CSAD: variants seen among roughly 807,000 people sequenced by gnomAD.
The protein encoded by CSAD is cysteine sulfinic acid decarboxylase.
Under a neutral mutation model 61.5 loss-of-function variants are expected in CSAD, and 47 were observed. The ratio of observed to expected loss-of-function variants is 0.76; its 90% CI spans 0.60 to 0.97. The LOEUF (loss-of-function observed/expected upper bound fraction) is 0.97. Ranked by LOEUF, CSAD falls within the 50% of genes least tolerant of loss-of-function variation. CSAD has a pLI of 0.00. For missense variants in CSAD, 611 were observed against 643.6 expected (o/e 0.95, Z 0.55); for synonymous variants, 245 against 252.7 (o/e 0.97, Z 0.29).
chr12:53,181,183 G>T (rs910757862), upstream of CSAD: 14 of 985,298 alleles, frequency 1.4e-5, no homozygotes, highest in African/African-American at 2.4e-4. Context: ...GCCGCGCCGG[G>T]CTTCGCCTGC....
chr12:53,172,160 G>C (rs1360885161), intron 6 of CSAD, among the ~76,000 whole-genome samples, 172 bp from the exon 7 acceptor site: 6 of 152,100 alleles, frequency 3.9e-5, no homozygotes, highest in Admixed American at 3.9e-4. Context: ...AGAAAACAGG[G>C]GTCAGGAGGC....
intron 10 of CSAD, 54 bp from the exon 11 acceptor site, chr12:53,161,443 A>G: frequency 6.9e-7 from 1 of 1,453,964 alleles, no homozygotes; most frequent in South Asian, 1.2e-5. Flanking sequence ...AAAGCTACTC[A>G]GAGCCTGATG....
chr12:53,175,720 G>A (rs1027662646), intron 2 of CSAD, among the ~76,000 whole-genome samples: 6 of 152,120 alleles, frequency 3.9e-5, no homozygotes, highest in Non-Finnish European at 8.8e-5. Flanking sequence ...GCAGGTACTG[G>A]AAAAAATGCT....
At chr12:53,165,990 G>C (rs1027106504) in intron 10 of CSAD, among the ~76,000 whole-genome samples, 1 of 152,174 alleles carries the variant, frequency 6.6e-6, no homozygotes, top group Non-Finnish European at 1.5e-5. Context: ...ATGCTACGAC[G>C]TGGATGAACC....
Position 53,172,664 on chromosome 12 carries a change from G to C in CSAD, c.127-16C>G. On this transcript the variant is annotated splice_polypyrimidine_tract_variant and intron_variant, in intron 4 of 16. Coordinates refer to ENST00000444623, the MANE Select transcript of CSAD (RefSeq NM_001244705.2). ...ACTCACAGACCTAGGAAGAGAGCCG[G>C]GGATGCTGGGGGCCTGGGATGCCTG... 2.5e-6 allele frequency: 4 copies of C among 1,597,118 alleles called. No individual in the cohort carries two copies. The highest frequency in any genetic ancestry group is 3.4e-6 in the Non-Finnish European group (4 of 1,174,126).
At chr12:53,161,448 C>G in intron 10 of CSAD, 59 bp from the exon 11 acceptor site, 9 of 1,414,288 alleles carry the variant, frequency 6.4e-6, no homozygotes, top group Non-Finnish European at 8.9e-6. Context: ...TACTCAGAGC[C>G]TGATGCTGGG....
chr12:53,171,052 T>C (rs948650875), intron 8 of CSAD: 2 of 612,624 alleles, frequency 3.3e-6, no homozygotes, highest in African/African-American at 3.7e-5. Context: ...CCCCAGGTCA[T>C]ACCAATGCTG....
chr12:53,173,209 A>AAAGAAAGG (rs1565673029), intron 4 of CSAD, 136 bp downstream of exon 4: 3 of 859,124 alleles, frequency 3.5e-6, no homozygotes, highest in Non-Finnish European at 5.3e-6. Context: ...CTCTGTCAAG[A>AAAGAAAGG]AAGAAAGGAA....
intron 10 of CSAD, among the ~76,000 whole-genome samples, chr12:53,168,466 A>G (rs1940176131): frequency 6.6e-6 from 1 of 152,198 alleles, no homozygotes; most frequent in African/African-American, 2.4e-5. Flanking sequence ...TGCTGCCCTT[A>G]CTGCTACTCA....
rs778693617 is a variant in CSAD, at chr12:53,158,548, AG to A, written c.1444del (p.Leu482SerfsTer8). The A allele has an allele frequency of 5.0e-6, 8 of 1,613,256 alleles. No individual in the cohort carries two copies. The Admixed American group carries it at 8.3e-5, about 17-fold the overall frequency. ...SALTCADMDF[L>X]LNELERLGQD... is the part of the protein sequence containing the mutation. ...GCCTAGCCGCTCCAGCTCGTTGAGG[AG>A]GAAGTCCATATCAGCACAGGTCAGT... On this transcript the variant is annotated frameshift_variant, in exon 17 of 17. Transcript: ENST00000444623. LOFTEE classifies it high-confidence loss of function.
chr12:53,170,631 G>A (rs1437938502), intron 8 of CSAD, 129 bp from the exon 9 acceptor site: 5 of 719,676 alleles, frequency 6.9e-6, no homozygotes, highest in East Asian at 2.7e-5. Flanking sequence ...GCGTGCATAC[G>A]AATCGCCTGG....
At chr12:53,180,129 A>T in intron 1 of CSAD, 1 of 1,288,116 alleles carries the variant, frequency 7.8e-7, no homozygotes, top group Non-Finnish European at 9.8e-7. Context: ...AGGGCTACTC[A>T]AGGAACGCCT....
chr12:53,172,359 G>C lies in CSAD; in HGVS notation c.331C>G (p.Leu111Val). 1.9e-6 allele frequency: 3 copies of C among 1,613,928 alleles called. No homozygotes were observed. Among genetic ancestry groups the C allele is most frequent in the Non-Finnish European group, 2.5e-6 (3 of 1,179,900 alleles). Residue 111 changes from leucine to valine, a missense_variant, in exon 6 of 17, where the codon CTC becomes GTC. Coordinates refer to ENST00000444623, the MANE Select transcript of CSAD (RefSeq NM_001244705.2). ...TGGGATGCTCACTGGCTGGTGTTGAGGCTCTCAGTGATAATGCGCCCGGCC... is the reference window on the plus strand; with the variant it reads ...TGGGATGCTCACTGGCTGGTGTTGACGCTCTCAGTGATAATGCGCCCGGCC... ...ALAGRIITESLNTSQYTYEIA... is the reference protein window; with the variant it reads ...ALAGRIITESVNTSQYTYEIA...
chr12:53,173,597 A>G (rs1448690195), intron 3 of CSAD, 121 bp from the exon 4 acceptor site: 1 of 1,560,038 alleles, frequency 6.4e-7, no homozygotes, highest in East Asian at 2.3e-5. Flanking sequence ...CTCGGCCTCC[A>G]GTGCACAGAC....
At chr12:53,160,019 CAGAG>C (rs1297558930) in intron 14 of CSAD, 81 bp from the exon 15 acceptor site, 3 of 1,600,158 alleles carry the variant, frequency 1.9e-6, no homozygotes, top group Admixed American at 1.7e-5. Flanking sequence ...GAATGAGCCA[CAGAG>C]AGACCGAGAG....
At chr12:53,164,007 G>C (rs1450401123) in intron 10 of CSAD, among the ~76,000 whole-genome samples, 3 of 152,194 alleles carry the variant, frequency 2.0e-5, no homozygotes, top group African/African-American at 7.2e-5. Context: ...ATTAAAGAAA[G>C]AATTGTCTTT....
In CSAD at chr12:53,170,033, T is replaced by G. The variant is rs199570525; in HGVS notation, c.702+39A>C. On this transcript the variant is annotated intron_variant, in intron 10 of 16. Transcript: ENST00000444623. ...GAGCCCAAATAACCCTCCAAGACAG[T>G]TGGAGGCTATATCACCCCAGCGAGC... 5.1e-6 allele frequency: 8 copies of G among 1,577,430 alleles called. No individual in the cohort carries two copies. The African/African-American group carries it at 6.7e-5, about 13-fold the overall frequency.
rs764740152 is a variant in CSAD, at chr12:53,159,599, A to C, written c.1308+24T>G. 32 of 1,595,942 alleles carry C rather than the reference A, an allele frequency of 2.0e-5. No homozygotes were observed. The South Asian group carries it at 3.5e-4, about 17-fold the overall frequency. On this transcript the variant is annotated intron_variant, in intron 16 of 16. Transcript: ENST00000444623. ...AGTTGCATCAGCTCCCTAACGGGTA[A>C]AGAGAGCAGCACAGCACGCCTACCT...
chr12:53,164,764 T>C (rs1939692652), intron 10 of CSAD: 1 of 152,112 alleles, frequency 6.6e-6, no homozygotes, highest in Non-Finnish European at 1.5e-5. Context: ...ACCTAGAGAA[T>C]GGAAAGAACA....
Sources: gnomAD v4.1 joint callset for allele counts (sites outside exome capture counted in the v4.1 genomes callset) on GRCh38, gnomAD v4.1.1 for gene constraint, MANE v1.5 for transcripts, NCBI Gene and HGNC (gene_info 2026-07-23, HGNC 2026-07-21) for gene names.